The following PAPLN variants were observed in gnomAD, a reference collection of about 807,000 sequenced individuals.
The protein encoded by PAPLN is papilin, proteoglycan like sulfated glycoprotein.
In PAPLN, 146 loss-of-function variants were observed where a neutral mutation model predicts 159.0. The ratio of observed to expected loss-of-function variants is 0.92; its 90% CI spans 0.80 to 1.05. The LOEUF is 1.05. Ranked by LOEUF, PAPLN falls within the 50% of genes least tolerant of loss-of-function variation. PAPLN has a pLI of 0.00. For synonymous variants in PAPLN, 734 were observed against 702.9 expected (o/e 1.04, Z -0.70); for missense variants, 1,720 against 1,743.9 (o/e 0.99, Z 0.24).
At chr14:73,261,918 TG>T in intron 18 of PAPLN, 1 of 191,352 alleles carries the variant, frequency 5.2e-6, no homozygotes, top group Non-Finnish European at 1.1e-5. Context: ...TGCAGCATCC[TG>T]GGGACAAGGG....
At chr14:73,261,733 G>C (rs1886610067) in intron 18 of PAPLN, among the ~76,000 whole-genome samples, 1 of 152,244 alleles carries the variant, frequency 6.6e-6, no homozygotes, top group Admixed American at 6.5e-5. Context: ...GGATGAATGA[G>C]TAGAGCTGCT....
At position 73,249,996 on chromosome 14, in the gene PAPLN, G is replaced by A. The variant is rs781653016; in HGVS notation, c.347G>A (p.Cys116Tyr). 1.2e-6 allele frequency: 2 copies of A among 1,609,274 alleles called. No homozygotes were observed. Among genetic ancestry groups the A allele is most frequent in the South Asian group, 2.2e-5 (2 of 90,176 alleles). ...WLPYYSAPNK[C>Y]ELNCIPKGEN... ...CTGCCCACCCCAGCCCCAAACAAGT[G>A]TGAACTGAACTGCATTCCCAAGGGG... Residue 116 changes from cysteine (C) to tyrosine (Y), a missense_variant, in exon 6 of 27, where the codon TGT becomes TAT. Physicochemically the swap from Cys to Tyr is radical, Grantham distance 194. Transcript: ENST00000644200.
rs571789969 is a variant in PAPLN at position 73,265,576 on chromosome 14, G to C, written c.3263+69G>C. On this transcript the variant is annotated intron_variant, in intron 23 of 26. Transcript: ENST00000644200. This position sits in a 1 kb window ranked among gnomAD's most constrained non-coding sequence, Gnocchi z 4.1. Reference sequence around the variant, plus strand: ...CCCACCTTATCCTATGGAGGCCACCGGGGAAGGGAGCTGCTAGCGCATGGT... The same window carrying C: ...CCCACCTTATCCTATGGAGGCCACCCGGGAAGGGAGCTGCTAGCGCATGGT... The C allele has an allele frequency of 2.5e-6, 4 of 1,571,150 alleles. No homozygotes were observed. Among genetic ancestry groups the C allele is most frequent in the Admixed American group, 1.7e-5 (1 of 57,852 alleles).
At position 73,251,651 on chromosome 14, in the gene PAPLN, C is replaced by A; in HGVS notation, c.671-13C>A. On this transcript the variant is annotated splice_polypyrimidine_tract_variant and intron_variant, in intron 8 of 26. Transcript: ENST00000644200. Reference sequence around the variant, plus strand: ...GCTCCCTCTGGCTGACTGAGGCGGTCTCCTCTGCGCAGCTGTGAAGAATGT... The same window carrying A: ...GCTCCCTCTGGCTGACTGAGGCGGTATCCTCTGCGCAGCTGTGAAGAATGT... The A allele has an allele frequency of 6.2e-7, 1 of 1,613,426 alleles. No homozygotes were observed. Among genetic ancestry groups the A allele is most frequent in the Non-Finnish European group, 8.5e-7 (1 of 1,180,010 alleles).
At position 73,246,190 on chromosome 14, in the gene PAPLN, G is replaced by C. The variant is rs202154094; in HGVS notation, c.334+15G>C. ...CTACTACAGCGGTGAGCGCGGCCGG[G>C]ACTCGCTCTCTCGGGGCCTCTTGTA... is the stretch of plus-strand genomic sequence containing the variant. On this transcript the variant is annotated intron_variant, in intron 5 of 26. Coordinates refer to ENST00000644200, the MANE Select transcript of PAPLN (RefSeq NM_001365906.3). 1 of 1,562,952 alleles carries C rather than the reference G, an allele frequency of 6.4e-7. No homozygotes were observed. The highest frequency in any genetic ancestry group is 2.4e-5 in the East Asian group (1 of 40,934).
chr14:73,266,542 T>C lies in PAPLN; in HGVS notation c.3305T>C (p.Val1102Ala). 1 of 1,614,084 alleles carries C rather than the reference T, an allele frequency of 6.2e-7. No individual in the cohort carries two copies. Among genetic ancestry groups the C allele is most frequent in the Non-Finnish European group, 8.5e-7 (1 of 1,180,006 alleles). ...QPDGSLVISR[V>A]AVEDGGFYTC... Reference sequence around the variant, plus strand: ...GATGGCTCCCTGGTCATTAGCCGAGTGGCTGTAGAAGATGGCGGCTTCTAC... The same window carrying C: ...GATGGCTCCCTGGTCATTAGCCGAGCGGCTGTAGAAGATGGCGGCTTCTAC... The change falls in exon 24 of 27, where the codon GTG becomes GCG. Residue 1102 changes from valine (V) to alanine (A), a missense_variant. Physicochemically the swap from Val to Ala is moderately conservative, Grantham distance 64. Transcript: ENST00000644200.
intron 22 of PAPLN, 27 bp downstream of exon 22, chr14:73,264,753 C>T: frequency 6.2e-7 from 1 of 1,611,236 alleles, no homozygotes; most frequent in Non-Finnish European, 8.5e-7. Flanking sequence ...GCCATCTTGC[C>T]CTCCCCCACG....
In PAPLN at chr14:73,253,351, T is replaced by G; in HGVS notation, c.1095-403T>G. 12 of 885,748 alleles carry G rather than the reference T, an allele frequency of 1.4e-5. No individual in the cohort carries two copies. In the South Asian group the frequency reaches 1.5e-4, roughly 11 times the overall value. The allele number at this position is 885,748 out of a possible 1,614,324, so 54.9% of individuals were successfully genotyped here. The stretch of plus-strand genomic sequence containing the variant: ...TTGCATGGGGCCACAGGGCTGCTCT[T>G]TCCTCTGGGTCCTTGCACCCGGGGC... On this transcript the variant is annotated intron_variant, in intron 11 of 26. Transcript: ENST00000644200.
In PAPLN at chr14:73,245,992, T is replaced by C. The variant is rs1300358559; in HGVS notation, c.232-81T>C. 4 of 1,357,904 alleles carry C rather than the reference T, an allele frequency of 2.9e-6. No homozygotes were observed. The highest frequency in any genetic ancestry group is 3.9e-6 in the Non-Finnish European group (4 of 1,025,100). The allele number at this position is 1,357,904 out of a possible 1,614,324, so 84.1% of individuals were successfully genotyped here. On this transcript the variant is annotated intron_variant, in intron 4 of 26. Transcript: ENST00000644200. The surrounding 1 kb of genome is among the most constrained non-coding windows in gnomAD (Gnocchi z 4.2). ...GGGCAGGCAAGGGAGACTCCTGGGC[T>C]CCCTGGGCTCGGGCGGGGCGGGAGG...
In PAPLN at chr14:73,246,082, G is replaced by A. The variant is rs200844382; in HGVS notation, c.241G>A (p.Asp81Asn). ...CCCCTCCGCCCCGCAGAGCTGCCCC[G>A]ACGGCGCCCGGGACTTCCGGGCCGA... ...HRSCRTESCP[D>N]GARDFRAEQC... Residue 81 changes from aspartate (D) to asparagine (N), a missense_variant, in exon 5 of 27, where the codon GAC (aspartate) becomes AAC (asparagine). Coordinates refer to ENST00000644200, the MANE Select transcript of PAPLN (RefSeq NM_001365906.3). The A allele has an allele frequency of 1.3e-6, 2 of 1,559,532 alleles. No homozygotes were observed. Among genetic ancestry groups the A allele is most frequent in the Admixed American group, 1.9e-5 (1 of 53,460 alleles).
At chr14:73,264,762 C>CGCCAGG (rs771913227) in intron 22 of PAPLN, 36 bp downstream of exon 22, 4 of 1,609,884 alleles carry the variant, frequency 2.5e-6, no homozygotes, top group Non-Finnish European at 3.4e-6. Flanking sequence ...CCCTCCCCCA[C>CGCCAGG]GCCAGGGCCA....
intron 3 of PAPLN, 81 bp downstream of exon 3, chr14:73,244,840 G>A: frequency 8.3e-7 from 1 of 1,200,312 alleles, no homozygotes; most frequent in Non-Finnish European, 1.2e-6. Flanking sequence ...AGGTGGTCGT[G>A]GCCTAGGCTA....
Position 73,261,280 on chromosome 14 carries a change from G to A in PAPLN, c.2231G>A (p.Gly744Asp), listed in dbSNP as rs1886551648. 3 of 1,613,578 alleles carry A rather than the reference G, an allele frequency of 1.9e-6. No individual in the cohort carries two copies. Among genetic ancestry groups the A allele is most frequent in the African/African-American group, 1.3e-5 (1 of 74,920 alleles). ...GGTCCTCTTGGGGAAGGCTGTGTGG[G>A]CCAGCCCAGCCATGGTGAGTGGACA... ...AAGPLGEGCVGQPSHAYPVRC... is the reference protein window; with the variant it reads ...AAGPLGEGCVDQPSHAYPVRC... The change falls in exon 18 of 27, where the codon GGC (glycine) becomes GAC (aspartate). Residue 744 changes from glycine to aspartate, a missense_variant. By Grantham distance (94) the Gly-to-Asp change is moderately conservative. Transcript: ENST00000644200.
chr14:73,271,086 C>T (rs1455214498), intron 26 of PAPLN, among the ~76,000 whole-genome samples: 4 of 152,062 alleles, frequency 2.6e-5, no homozygotes, highest in Admixed American at 2.0e-4. Context: ...AAGCAACTTG[C>T]CCAGAGTTAC....
rs928356679 is a variant in PAPLN at position 73,265,119 on chromosome 14, G to A, written c.3126-251G>A. 3.9e-5 allele frequency among the ~76,000 whole-genome samples: 6 copies of A among 152,168 alleles called. No individual in the cohort carries two copies. The highest frequency in any genetic ancestry group is 7.3e-5 in the Non-Finnish European group (5 of 68,036). ...TGCAGGGTGGGGGGTGACAGATGGG[G>A]ATCCTGGCTGGTGGGTGTGTCTGGC... On this transcript the variant is annotated intron_variant, in intron 22 of 26. Transcript: ENST00000644200. The surrounding 1 kb of genome is among the most constrained non-coding windows in gnomAD (Gnocchi z 4.1).
chr14:73,253,977 C>T lies in PAPLN; in HGVS notation c.1302+16C>T, dbSNP rs1454326173. 11 of 1,601,062 alleles carry T rather than the reference C, an allele frequency of 6.9e-6. No homozygotes were observed. The highest frequency in any genetic ancestry group is 3.4e-5 in the Admixed American group (2 of 59,496). On this transcript the variant is annotated intron_variant, in intron 12 of 26. Coordinates refer to ENST00000644200, the MANE Select transcript of PAPLN (RefSeq NM_001365906.3). ...CTGGGGAGAGGTCAGGCCCCTGGCCCGCATGGGGCTGGTGCTGGACCTGGG... is the reference window on the plus strand; with the variant it reads ...CTGGGGAGAGGTCAGGCCCCTGGCCTGCATGGGGCTGGTGCTGGACCTGGG...
intron 26 of PAPLN, chr14:73,272,272 G>A (rs1426870774): frequency 2.5e-6 from 1 of 401,886 alleles, no homozygotes; most frequent in Non-Finnish European, 4.4e-6. Flanking sequence ...AAATAATAAT[G>A]GGAGGACCAC....
chr14:73,255,083 C>A, intron 14 of PAPLN, 65 bp downstream of exon 14: 2 of 1,546,118 alleles, frequency 1.3e-6, no homozygotes, highest in Admixed American at 1.9e-5. Flanking sequence ...ACAAACCCAG[C>A]AAGCATGTCC....
chr14:73,263,874 G>T (rs1594824159), intron 20 of PAPLN, 92 bp downstream of exon 20: 1 of 1,369,646 alleles, frequency 7.3e-7, no homozygotes, highest in East Asian at 2.6e-5. Flanking sequence ...CACCTCCTCT[G>T]ATAGGTGTGA....
Sources: allele counts gnomAD v4.1 joint callset (sites outside exome capture counted in the v4.1 genomes callset), GRCh38; gene constraint gnomAD v4.1.1; non-coding constraint Gnocchi (gnomAD v3.1); transcripts MANE v1.5; gene names NCBI Gene and HGNC (gene_info 2026-07-23, HGNC 2026-07-21).